The following NDEL1 variants were observed in gnomAD, a reference collection of about 807,000 sequenced individuals.
NDEL1 encodes the protein nuclear distribution protein nudE-like 1.
Under a neutral mutation model 45.7 loss-of-function variants are expected in NDEL1, and 9 were observed. The ratio of observed to expected loss-of-function variants is 0.20; its 90% CI spans 0.12 to 0.34. The LOEUF (loss-of-function observed/expected upper bound fraction) is 0.34. NDEL1 is among the 10% of genes least tolerant of loss of function. The pLI is 1.00. For missense variants in NDEL1, 306 were observed against 406.2 expected (o/e 0.75, Z 2.12); for synonymous variants, 133 against 158.6 (o/e 0.84, Z 1.21).
At chr17:8,458,014 G>A (rs1910957641) in intron 7 of NDEL1, among the ~76,000 whole-genome samples, 1 of 152,034 alleles carries the variant, frequency 6.6e-6, no homozygotes, top group Non-Finnish European at 1.5e-5. Context: ...CCCATTTATT[G>A]TTAGCATTTT....
intron 1 of NDEL1, among the ~76,000 whole-genome samples, chr17:8,420,088 T>G (rs1908664974): frequency 1.3e-5 from 2 of 152,206 alleles, no homozygotes; most frequent in African/African-American, 4.8e-5. Context: ...GGTTTTCTTA[T>G]GTGGCAGATT....
chr17:8,435,779 C>T (rs1909261600), upstream of NDEL1: 2 of 370,796 alleles, frequency 5.4e-6, no homozygotes, highest in Admixed American at 3.2e-5. Context: ...GGCCCGCCCC[C>T]TGTGACACCA....
Position 8,466,970 on chromosome 17 carries a change from C to G in NDEL1, c.985C>G (p.Leu329Val). ...GFDPAPPPPG[L>V]GSSRPSSAPG... ...TGACCCCGCTCCTCCTCCTCCTGGT[C>G]TGGGCTCCTCGCGTCCATCGTCAGC... Residue 329 changes from leucine to valine, a missense_variant, in exon 9 of 9, where the codon CTG becomes GTG. Leu to Val is a conservative substitution (Grantham distance 32). Around this residue, in one of 3 missense-constraint regions of NDEL1, gnomAD observed 175 missense variants for 205.2 expected, o/e 0.85. Coordinates refer to ENST00000334527, the MANE Select transcript of NDEL1 (RefSeq NM_030808.5). 6.2e-7 allele frequency: 1 copy of G among 1,614,210 alleles called. No individual in the cohort carries two copies. Among genetic ancestry groups the G allele is most frequent in the Non-Finnish European group, 8.5e-7 (1 of 1,180,042 alleles).
At chr17:8,413,990 T>G (rs1461563584) in intron 1 of NDEL1, among the ~76,000 whole-genome samples, 3 of 152,260 alleles carry the variant, frequency 2.0e-5, no homozygotes, top group Non-Finnish European at 4.4e-5. Flanking sequence ...ATTAATATTT[T>G]GGCATATAGA....
intron 7 of NDEL1, among the ~76,000 whole-genome samples, chr17:8,455,403 C>A (rs914474929): frequency 2.6e-5 from 4 of 152,194 alleles, no homozygotes; most frequent in South Asian, 2.1e-4. Flanking sequence ...AAATATTAAA[C>A]CCAGCCGGAC....
chr17:8,466,960 T>A lies in NDEL1; in HGVS notation c.975T>A (p.Pro325=), dbSNP rs1287430556. 1.2e-6 allele frequency: 2 copies of A among 1,614,222 alleles called. No homozygotes were observed. The highest frequency in any genetic ancestry group is 2.2e-5 in the South Asian group (2 of 91,084). ...GAVNGFDPAP[P]PPGLGSSRPS... The stretch of plus-strand genomic sequence containing the variant: ...TAAACGGCTTTGACCCCGCTCCTCC[T>A]CCTCCTGGTCTGGGCTCCTCGCGTC... Residue 325 remains proline, a synonymous_variant, in exon 9 of 9, where the codon CCT becomes CCA. Transcript: ENST00000334527.
At position 8,448,809 on chromosome 17, in the gene NDEL1, C is replaced by T. The variant is rs915325894; in HGVS notation, c.526+123C>T. ...TGGATTGAAAATACAGTATTCACGG[C>T]ATTCAAAACCCTGTATATGGAGGGC... On this transcript the variant is annotated intron_variant, in intron 5 of 8. Coordinates refer to ENST00000334527, the MANE Select transcript of NDEL1 (RefSeq NM_030808.5). 1.7e-5 allele frequency: 17 copies of T among 998,624 alleles called. No homozygotes were observed. In the African/African-American group the frequency reaches 2.8e-4, roughly 16 times the overall value. 61.9% of individuals were successfully genotyped at this position (998,624 alleles called of 1,614,324 possible).
At chr17:8,454,995 T>C in intron 7 of NDEL1, 108 bp downstream of exon 7, 4 of 1,083,258 alleles carry the variant, frequency 3.7e-6, no homozygotes, top group Non-Finnish European at 5.5e-6. Context: ...TGGTAAAGGC[T>C]GTCATGAAGC....
intron 1 of NDEL1, among the ~76,000 whole-genome samples, chr17:8,428,700 T>C (rs559033248): frequency 2.0e-5 from 3 of 150,510 alleles, no homozygotes; most frequent in East Asian, 2.0e-4. Flanking sequence ...TTTTTTGAGA[T>C]GGAGTCTCTT....
At chr17:8,458,932 A>G (rs1217015960) in intron 7 of NDEL1, among the ~76,000 whole-genome samples, 2 of 152,028 alleles carry the variant, frequency 1.3e-5, no homozygotes, top group Non-Finnish European at 2.9e-5. Context: ...GGGTTTTACC[A>G]TCTTGGCCAG....
intron 6 of NDEL1, among the ~76,000 whole-genome samples, chr17:8,451,669 A>G (rs1469997397): frequency 1.3e-5 from 2 of 152,184 alleles, no homozygotes; most frequent in East Asian, 1.9e-4. Flanking sequence ...AAAACCACCT[A>G]GTAGCCACTA....
chr17:8,440,373 G>T (rs1345670828), intron 1 of NDEL1, among the ~76,000 whole-genome samples: 3 of 152,088 alleles, frequency 2.0e-5, no homozygotes, highest in Non-Finnish European at 4.4e-5. Flanking sequence ...AATTAGCCAG[G>T]TATGGTGGTG....
intron 1 of NDEL1, among the ~76,000 whole-genome samples, chr17:8,428,849 A>AT (rs1161236030): frequency 6.6e-6 from 1 of 150,872 alleles, no homozygotes; most frequent in Non-Finnish European, 1.5e-5. Context: ...AATTTTTTGT[A>AT]TTTTTAGTAG....
At chr17:8,473,579 C>T (rs993886047) in intron 3 of NDEL1, among the ~76,000 whole-genome samples, 6 of 152,154 alleles carry the variant, frequency 3.9e-5, no homozygotes, top group African/African-American at 1.4e-4. Context: ...TGCTGAAGCA[C>T]CATACCTGTG....
intron 1 of NDEL1, among the ~76,000 whole-genome samples, chr17:8,429,557 G>T (rs557246576): frequency 6.6e-6 from 1 of 152,144 alleles, no homozygotes; most frequent in Non-Finnish European, 1.5e-5. Context: ...GGAGAAGGTG[G>T]GTTGGCCAAG....
intron 1 of NDEL1, among the ~76,000 whole-genome samples, chr17:8,422,555 G>A (rs1365596001): frequency 6.6e-6 from 1 of 151,960 alleles, no homozygotes; most frequent in Non-Finnish European, 1.5e-5. Flanking sequence ...TCCTGGAAGG[G>A]GCATTTCTAC....
At chr17:8,440,494 A>G (rs1909659569) in intron 1 of NDEL1, among the ~76,000 whole-genome samples, 1 of 146,120 alleles carries the variant, frequency 6.8e-6, no homozygotes, top group African/African-American at 2.5e-5. Flanking sequence ...AGCCTGGGCA[A>G]CAGAGTGAGA....
chr17:8,451,052 G>A, intron 6 of NDEL1, 99 bp downstream of exon 6: 1 of 1,233,718 alleles, frequency 8.1e-7, no homozygotes, highest in African/African-American at 1.5e-5. Context: ...AGTAATTTTA[G>A]TTTAAAAGTT....
Position 8,467,141 on chromosome 17 carries a change from C to A in NDEL1, c.*118C>A. Reference sequence around the variant, plus strand: ...CCTCCGTCTGCCTCCGCACGGCTGGCAGAGGGCAGGCTGCATGCAGTGGCG... The same window carrying A: ...CCTCCGTCTGCCTCCGCACGGCTGGAAGAGGGCAGGCTGCATGCAGTGGCG... On this transcript the variant is annotated 3_prime_UTR_variant, in exon 9 of 9. Coordinates refer to ENST00000334527, the MANE Select transcript of NDEL1 (RefSeq NM_030808.5). This position sits in a 1 kb window ranked among gnomAD's most constrained non-coding sequence, Gnocchi z 6.3. 1 of 999,838 alleles carries A rather than the reference C, an allele frequency of 1.0e-6. No individual in the cohort carries two copies. The highest frequency in any genetic ancestry group is 1.5e-6 in the Non-Finnish European group (1 of 661,454). 61.9% of individuals were successfully genotyped at this position (999,838 alleles called of 1,614,324 possible). A position where few individuals can be genotyped will look rare whatever the true frequency, so the allele number is the denominator to read the frequency against.
Sources: allele counts gnomAD v4.1 joint callset (sites outside exome capture counted in the v4.1 genomes callset), GRCh38; gene constraint gnomAD v4.1.1; regional missense constraint gnomAD v4.1.1; non-coding constraint Gnocchi (gnomAD v3.1); transcripts MANE v1.5; gene names NCBI Gene and HGNC (gene_info 2026-07-23, HGNC 2026-07-21).